Variants in CBFA2T2 observed in about 807,000 individuals in gnomAD.
CBFA2T2 encodes the protein protein CBFA2T2.
In CBFA2T2, 11 loss-of-function variants were observed where a neutral mutation model predicts 62.2. The ratio of observed to expected loss-of-function variants is 0.18; its 90% CI spans 0.11 to 0.29. The LOEUF is 0.29. CBFA2T2 is among the 10% of genes least tolerant of loss of function. CBFA2T2 has a pLI of 1.00. For missense variants in CBFA2T2, 592 were observed against 774.1 expected, an observed-to-expected ratio of 0.76 and a Z score of 2.79; for synonymous variants, 295 against 287.5, an observed-to-expected ratio of 1.03 and a Z score of -0.27.
chr20:33,640,754 T>G (rs545537519), intron 10 of CBFA2T2, among the ~76,000 whole-genome samples: 96 of 151,798 alleles, frequency 6.3e-4, no homozygotes, highest in East Asian at 4.5e-3. Context: ...TACATATATA[T>G]ATAGAGAGAG....
In CBFA2T2 at chr20:33,636,636, G is replaced by T. The variant is rs76250176; in HGVS notation, c.1229-4G>T. 5.0e-6 allele frequency: 8 copies of T among 1,612,092 alleles called. 1 individual carries two copies. In the East Asian group the frequency reaches 1.8e-4, roughly 36 times the overall value. ...ACCCTATGCTTTTTATGTCTCTTCT[G>T]CAGATTCTCAGAGAGAGTTCAACAG... On this transcript the variant is annotated splice_region_variant and splice_polypyrimidine_tract_variant and intron_variant, in intron 8 of 10. Coordinates refer to ENST00000342704, the MANE Select transcript of CBFA2T2 (RefSeq NM_001032999.3).
chr20:33,517,102 CAG>C (rs1460793447), intron 1 of CBFA2T2, among the ~76,000 whole-genome samples: 1 of 152,168 alleles, frequency 6.6e-6, no homozygotes, highest in East Asian at 1.9e-4. Context: ...TTCCCTTTCT[CAG>C]AAAGTGCAGA....
At chr20:33,625,338 C>T (rs1012731484) in intron 6 of CBFA2T2, among the ~76,000 whole-genome samples, 1 of 151,980 alleles carries the variant, frequency 6.6e-6, no homozygotes, top group African/African-American at 2.4e-5. Flanking sequence ...ATTTTAAAAA[C>T]TAGCCAGGCT....
intron 1 of CBFA2T2, chr20:33,574,349 G>C: frequency 3.1e-5 from 41 of 1,311,344 alleles, no homozygotes; most frequent in Non-Finnish European, 4.3e-5. Flanking sequence ...TTAAAGGCCA[G>C]GCATGGTGGC....
intron 3 of CBFA2T2, among the ~76,000 whole-genome samples, chr20:33,619,247 C>T (rs766252766): frequency 6.6e-6 from 1 of 151,928 alleles, no homozygotes; most frequent in African/African-American, 2.4e-5. Context: ...AGACCGGGCG[C>T]GGTGGCTCTC....
chr20:33,494,874 A>G (rs528634161), intron 1 of CBFA2T2, among the ~76,000 whole-genome samples: 93 of 152,282 alleles, frequency 6.1e-4, no homozygotes, highest in African/African-American at 2.2e-3. Context: ...TTGGGATTAC[A>G]GGCATGAGCC....
intron 9 of CBFA2T2, 87 bp downstream of exon 9, chr20:33,636,795 G>C: frequency 2.0e-6 from 2 of 976,442 alleles, no homozygotes; most frequent in Non-Finnish European, 3.3e-6. Context: ...TTGGTAACTG[G>C]GTCCTTTGGT....
chr20:33,608,828 G>A (rs1452685999), intron 2 of CBFA2T2, among the ~76,000 whole-genome samples: 1 of 152,160 alleles, frequency 6.6e-6, no homozygotes, highest in Non-Finnish European at 1.5e-5. Flanking sequence ...CTAAAAGCAT[G>A]GTAATGTGTT....
chr20:33,540,923 A>G lies in CBFA2T2; in HGVS notation c.34+50622A>G, dbSNP rs939524335. 3.3e-5 allele frequency among the ~76,000 whole-genome samples: 5 copies of G among 152,310 alleles called. No individual in the cohort carries two copies. In the East Asian group the frequency reaches 9.6e-4, roughly 29 times the overall value. On this transcript the variant is annotated intron_variant, in intron 1 of 10. Coordinates refer to ENST00000342704, the MANE Select transcript of CBFA2T2 (RefSeq NM_001032999.3). ...AGTGGTGCTATTCACATAGAATATA[A>G]TGTGAAAGGTAACCCTAGAGTTGTG...
At chr20:33,629,108 T>C (rs540964876) in intron 7 of CBFA2T2, among the ~76,000 whole-genome samples, 18 of 152,316 alleles carry the variant, frequency 1.2e-4, no homozygotes, top group African/African-American at 4.3e-4. Context: ...TGGAATTCAT[T>C]TGTATTTGTT....
chr20:33,601,244 G>C (rs1163357575), intron 1 of CBFA2T2, among the ~76,000 whole-genome samples: 2 of 151,558 alleles, frequency 1.3e-5, no homozygotes. Flanking sequence ...TTTTTTGTGG[G>C]TTTTTTATTG....
chr20:33,532,386 A>G (rs2012086347), intron 1 of CBFA2T2, among the ~76,000 whole-genome samples: 1 of 152,226 alleles, frequency 6.6e-6, no homozygotes, highest in Admixed American at 6.5e-5. Context: ...AACGTTGGGC[A>G]AGGGGTAGGG....
intron 3 of CBFA2T2, among the ~76,000 whole-genome samples, chr20:33,616,798 T>C (rs2015729498): frequency 6.6e-6 from 1 of 152,102 alleles, no homozygotes; most frequent in South Asian, 2.1e-4. Flanking sequence ...GTGTTGCCCT[T>C]GAAATCCAGA....
chr20:33,535,514 C>T (rs1008819089), intron 1 of CBFA2T2, among the ~76,000 whole-genome samples: 2 of 150,890 alleles, frequency 1.3e-5, no homozygotes, highest in African/African-American at 4.9e-5. Context: ...TGCTAAGAAC[C>T]AGCTCAGTGG....
chr20:33,598,648 T>G (rs1256360886), intron 1 of CBFA2T2, among the ~76,000 whole-genome samples: 1 of 152,162 alleles, frequency 6.6e-6, no homozygotes, highest in Non-Finnish European at 1.5e-5. Flanking sequence ...ATATACATCC[T>G]CCTCAGCTGA....
chr20:33,510,233 CAG>C (rs1233548924), intron 1 of CBFA2T2, among the ~76,000 whole-genome samples: 10 of 146,332 alleles, frequency 6.8e-5, no homozygotes, highest in African/African-American at 2.3e-4. Flanking sequence ...TTTTTGGAGA[CAG>C]AGTCTCGCTC....
chr20:33,634,947 T>C (rs891816500), intron 8 of CBFA2T2, among the ~76,000 whole-genome samples: 1 of 152,214 alleles, frequency 6.6e-6, no homozygotes, highest in Non-Finnish European at 1.5e-5. Flanking sequence ...TAATGTAGCA[T>C]TGTTAATATC....
chr20:33,523,676 G>A (rs2011797786), intron 1 of CBFA2T2, among the ~76,000 whole-genome samples: 1 of 151,054 alleles, frequency 6.6e-6, no homozygotes, highest in Non-Finnish European at 1.5e-5. Flanking sequence ...CCTATGTGTT[G>A]TGTTTTTTGT....
intron 1 of CBFA2T2, among the ~76,000 whole-genome samples, chr20:33,542,764 C>G (rs1211805173): frequency 6.6e-6 from 1 of 151,972 alleles, no homozygotes; most frequent in Non-Finnish European, 1.5e-5. Context: ...CTCCTCCTCC[C>G]AGGCTCAAGT....
Sources: gnomAD v4.1 joint callset for allele counts (sites outside exome capture counted in the v4.1 genomes callset) on GRCh38, gnomAD v4.1.1 for gene constraint, MANE v1.5 for transcripts, NCBI Gene and HGNC (gene_info 2026-07-23, HGNC 2026-07-21) for gene names.